The following PM20D1 variants were observed in gnomAD, a reference collection of about 807,000 sequenced individuals.
The protein encoded by PM20D1 is peptidase M20 domain containing 1.
In PM20D1, 53 loss-of-function variants were observed where a neutral mutation model predicts 53.8. The ratio of observed to expected loss-of-function variants is 0.98; its 90% CI spans 0.79 to 1.24. PM20D1 has a LOEUF of 1.24. PM20D1 is among the 50% of genes most tolerant of loss of function. The pLI is 0.00. For missense variants in PM20D1, 564 were observed against 616.8 expected, an observed-to-expected ratio of 0.91 and a Z score of 0.91; for synonymous variants, 239 against 241.3, an observed-to-expected ratio of 0.99 and a Z score of 0.09.
chr1:205,848,316 A>C (rs1657046298), intron 1 of PM20D1, among the ~76,000 whole-genome samples: 1 of 152,204 alleles, frequency 6.6e-6, no homozygotes, highest in South Asian at 2.1e-4. Context: ...ATTGCTTCCT[A>C]AGGCCTCACT....
chr1:205,835,071 AG>A, intron 10 of PM20D1, among the ~76,000 whole-genome samples: 1 of 152,350 alleles, frequency 6.6e-6, no homozygotes, highest in Non-Finnish European at 1.5e-5. Context: ...CTGACTTTAC[AG>A]GAATAATGCT....
chr1:205,844,246 C>T (rs778884064), intron 4 of PM20D1, 29 bp from the exon 5 acceptor site: 3 of 1,571,396 alleles, frequency 1.9e-6, no homozygotes, highest in South Asian at 2.3e-5. Flanking sequence ...GAGCTATAGT[C>T]CTTCTCAGCC....
Position 205,842,206 on chromosome 1 carries a change from G to A in PM20D1, c.913C>T (p.Pro305Ser), listed in dbSNP as rs746660473. 1 of 1,612,930 alleles carries A rather than the reference G, an allele frequency of 6.2e-7. No individual in the cohort carries two copies. Among genetic ancestry groups the A allele is most frequent in the East Asian group, 2.2e-5 (1 of 44,868 alleles). The change falls in exon 8 of 13, where the codon CCT becomes TCT. Residue 305 changes from proline (P) to serine (S), a missense_variant. Coordinates refer to ENST00000367136, the MANE Select transcript of PM20D1 (RefSeq NM_152491.5). ...LQQLANEFPF[P>S]VNIILSNPWL... ...GGGTTGCTCAGGATTATATTGACAG[G>A]GAAGGGAAACTGGGAAAGAACAAGG...
At chr1:205,843,555 T>C (rs1434760403) in intron 6 of PM20D1, 112 bp downstream of exon 6, 4 of 1,457,508 alleles carry the variant, frequency 2.7e-6, no homozygotes, top group Non-Finnish European at 3.7e-6. Flanking sequence ...TATAGCATAG[T>C]TTCCCAGCCC....
intron 11 of PM20D1, among the ~76,000 whole-genome samples, chr1:205,831,857 C>T (rs1057019752): frequency 1.3e-5 from 2 of 152,116 alleles, no homozygotes; most frequent in African/African-American, 2.4e-5. Flanking sequence ...CCACCGTGCC[C>T]GGCTGAGCAA....
chr1:205,837,732 C>A (rs1180912092), intron 10 of PM20D1, among the ~76,000 whole-genome samples: 1 of 151,914 alleles, frequency 6.6e-6, no homozygotes, highest in Non-Finnish European at 1.5e-5. Context: ...ATCAGAGAGA[C>A]CGGAAGGAAG....
At chr1:205,845,294 C>A in intron 3 of PM20D1, 31 bp downstream of exon 3, 1 of 1,601,306 alleles carries the variant, frequency 6.2e-7, no homozygotes, top group Non-Finnish European at 8.6e-7. Context: ...TCTTTAGGGC[C>A]CCAAGGCAGA....
Position 205,828,478 on chromosome 1 carries a change from G to C in PM20D1, c.*142C>G. ...TTTACCTTACCCCGGCCTTGTTCTT[G>C]GGAGAGTTTAAGAGTGAGCAAGACA... On this transcript the variant is annotated 3_prime_UTR_variant, in exon 13 of 13. Transcript: ENST00000367136. 1 of 1,217,848 alleles carries C rather than the reference G, an allele frequency of 8.2e-7. No individual in the cohort carries two copies. The highest frequency in any genetic ancestry group is 2.8e-5 in the Admixed American group (1 of 36,172). The allele number at this position is 1,217,848 out of a possible 1,614,324, so 75.4% of individuals were successfully genotyped here. A position where few individuals can be genotyped will look rare whatever the true frequency, so the allele number is the denominator to read the frequency against.
rs1380758062 is a variant in PM20D1 at position 205,844,151 on chromosome 1, T to G, written c.643A>C (p.Ile215Leu). ...LQSRGVQLAF[I>L]VDEGGFILDD... ...AAGATGAAGCCCCCCTCGTCCACAA[T>G]GAAGGCTAGCTGGACGCCCCTTGAC... Residue 215 changes from isoleucine (I) to leucine (L), a missense_variant, in exon 5 of 13, where the codon ATT becomes CTT. By Grantham distance (5) the Ile-to-Leu change is conservative. Coordinates refer to ENST00000367136, the MANE Select transcript of PM20D1 (RefSeq NM_152491.5). 6.2e-7 allele frequency: 1 copy of G among 1,613,936 alleles called. No individual in the cohort carries two copies. Among genetic ancestry groups the G allele is most frequent in the Non-Finnish European group, 8.5e-7 (1 of 1,179,994 alleles).
intron 10 of PM20D1, among the ~76,000 whole-genome samples, chr1:205,836,005 A>G (rs961927488): frequency 1.3e-5 from 2 of 151,958 alleles, no homozygotes; most frequent in Admixed American, 6.6e-5. Context: ...CCTCCTGAGT[A>G]GCTGGGATTA....
rs192444617 is a variant in PM20D1 at position 205,845,574 on chromosome 1, C to A, written c.257-17G>T. 3 of 1,597,470 alleles carry A rather than the reference C, an allele frequency of 1.9e-6. No individual in the cohort carries two copies. The Admixed American group carries it at 5.0e-5, about 27-fold the overall frequency. ...TAGGAAAGACTAGAAGCAAAAAGGG[C>A]AGGAAGAGAGAACCAGGGTTAACAG... On this transcript the variant is annotated splice_polypyrimidine_tract_variant and intron_variant, in intron 2 of 12. Transcript: ENST00000367136.
At chr1:205,844,975 T>G in intron 3 of PM20D1, 78 bp from the exon 4 acceptor site, 2 of 1,284,912 alleles carry the variant, frequency 1.6e-6, no homozygotes, top group Non-Finnish European at 2.2e-6. Flanking sequence ...GACATTCAGT[T>G]GCCTGTTATC....
intron 6 of PM20D1, 94 bp from the exon 7 acceptor site, chr1:205,842,845 A>G (rs1656847135): frequency 3.5e-6 from 4 of 1,134,302 alleles, no homozygotes; most frequent in South Asian, 2.5e-5. Flanking sequence ...GGAAGTTTCA[A>G]CGCTCCTGGC....
intron 10 of PM20D1, among the ~76,000 whole-genome samples, chr1:205,833,086 G>A (rs1274108265): frequency 6.6e-6 from 1 of 152,202 alleles, no homozygotes; most frequent in Non-Finnish European, 1.5e-5. Flanking sequence ...GCAAGGGGAT[G>A]GCCTGGCTGG....
rs1365729501 is a variant in PM20D1 at position 205,842,676 on chromosome 1, C to G, written c.903G>C (p.Glu301Asp). 6.2e-7 allele frequency: 1 copy of G among 1,613,880 alleles called. No homozygotes were observed. The highest frequency in any genetic ancestry group is 8.5e-7 in the Non-Finnish European group (1 of 1,179,932). The change falls in exon 7 of 13, where the codon GAG becomes GAC. Residue 301 changes from glutamate (E) to aspartate (D), a missense_variant and splice_region_variant. Transcript: ENST00000367136. ...GAGTATGTGATACTTCTTCCCATAC[C>G]TCATTTGCCAGTTGCTGCAATACAG... ...VVTVLQQLAN[E>D]FPFPVNIILS... is the part of the protein sequence containing the mutation.
chr1:205,842,193 A>G lies in PM20D1; in HGVS notation c.926T>C (p.Ile309Thr), dbSNP rs1656827159. The G allele has an allele frequency of 6.2e-7, 1 of 1,613,164 alleles. No individual in the cohort carries two copies. The highest frequency in any genetic ancestry group is 1.1e-5 in the South Asian group (1 of 91,054). ...ANEFPFPVNI[I>T]LSNPWLFEPL... is the part of the protein sequence containing the mutation. Reference sequence around the variant, plus strand: ...TTCAAATAGCCATGGGTTGCTCAGGATTATATTGACAGGGAAGGGAAACTG... The same window carrying G: ...TTCAAATAGCCATGGGTTGCTCAGGGTTATATTGACAGGGAAGGGAAACTG... Residue 309 changes from isoleucine (I) to threonine (T), a missense_variant, in exon 8 of 13, where the codon ATC becomes ACC. By Grantham distance (89) the Ile-to-Thr change is moderately conservative (BLOSUM62 -1). Coordinates refer to ENST00000367136, the MANE Select transcript of PM20D1 (RefSeq NM_152491.5).
At chr1:205,836,655 G>A (rs1253870614) in intron 10 of PM20D1, among the ~76,000 whole-genome samples, 2 of 152,058 alleles carry the variant, frequency 1.3e-5, no homozygotes, top group East Asian at 3.9e-4. Flanking sequence ...GAGTATAGGA[G>A]TGTGCCTGCT....
rs1558096807 is a variant in PM20D1, at chr1:205,850,103, CG to C, written c.-32del. The C allele has an allele frequency of 6.2e-7, 1 of 1,600,290 alleles. No homozygotes were observed. The highest frequency in any genetic ancestry group is 1.7e-5 in the Admixed American group (1 of 58,884). ...TCTCGAGCTCCTGCTGTCAGGCTAC[CG>C]GGGTAGTTCTGACCTAAACGCCCAG... On this transcript the variant is annotated 5_prime_UTR_variant, in exon 1 of 13. Transcript: ENST00000367136.
intron 1 of PM20D1, 48 bp from the exon 2 acceptor site, chr1:205,848,019 G>A: frequency 6.4e-7 from 1 of 1,565,502 alleles, no homozygotes; most frequent in Non-Finnish European, 8.8e-7. Flanking sequence ...ATTAGTCATT[G>A]TTTTTTTCTA....
Sources: gnomAD v4.1 joint callset for allele counts (sites outside exome capture counted in the v4.1 genomes callset) on GRCh38, gnomAD v4.1.1 for gene constraint, MANE v1.5 for transcripts, NCBI Gene and HGNC (gene_info 2026-07-23, HGNC 2026-07-21) for gene names.